Variants in FTCDNL1 observed in about 807,000 individuals in gnomAD.
The protein encoded by FTCDNL1 is formiminotransferase N-terminal subdomain-containing protein.
A neutral mutation model predicts 5.9 loss-of-function variants in FTCDNL1; 11 were observed. The observed-to-expected ratio is 1.87, with a 90% CI of 1.18 to 3.10. The LOEUF (loss-of-function observed/expected upper bound fraction) is 3.10. Among genes scored for constraint, FTCDNL1 ranks in the 30% most tolerant of loss-of-function variants. FTCDNL1 has a pLI of 0.00. For missense variants in FTCDNL1, 115 were observed against 65.5 expected (o/e 1.76, Z -2.61); for synonymous variants, 58 against 24.8 (o/e 2.34, Z -3.99).
At chr2:199,775,689 C>G (rs909811299) in intron 3 of FTCDNL1, among the ~76,000 whole-genome samples, 4 of 152,132 alleles carry the variant, frequency 2.6e-5, no homozygotes, top group African/African-American at 9.7e-5. Context: ...CCTCTTTCCA[C>G]AACCTAGTTT....
intron 3 of FTCDNL1, among the ~76,000 whole-genome samples, chr2:199,845,555 A>T (rs1415240210): frequency 2.0e-5 from 3 of 151,852 alleles, no homozygotes; most frequent in Non-Finnish European, 4.4e-5. Flanking sequence ...TGGGTGATGG[A>T]GTGAGACTCT....
chr2:199,845,514 T>C (rs1320296321), intron 3 of FTCDNL1, among the ~76,000 whole-genome samples: 2 of 151,712 alleles, frequency 1.3e-5, no homozygotes. Flanking sequence ...GAGGTTGCAG[T>C]GAGTCGAGAT....
chr2:199,708,733 C>G, the FTCDNL1 span, among the ~76,000 whole-genome samples: 1 of 152,126 alleles, frequency 6.6e-6, no homozygotes, highest in Non-Finnish European at 1.5e-5. Flanking sequence ...GAAAGCATGA[C>G]TATTTCTTGG....
chr2:199,686,060 T>C, the FTCDNL1 span, among the ~76,000 whole-genome samples: 1 of 152,224 alleles, frequency 6.6e-6, no homozygotes, highest in African/African-American at 2.4e-5. Context: ...ATGTGGGGCA[T>C]GGAGGAATAG....
At chr2:199,710,713 C>T in the FTCDNL1 span, among the ~76,000 whole-genome samples, 1 of 152,182 alleles carries the variant, frequency 6.6e-6, no homozygotes, top group Non-Finnish European at 1.5e-5. Context: ...CCTCACTTGG[C>T]TTCTTTATCT....
the FTCDNL1 span, among the ~76,000 whole-genome samples, chr2:199,728,520 T>A: frequency 2.0e-4 from 30 of 152,128 alleles, no homozygotes; most frequent in African/African-American, 7.0e-4. Context: ...AGTGCTGGGA[T>A]TACAGGCGTG....
At chr2:199,710,691 C>A in the FTCDNL1 span, among the ~76,000 whole-genome samples, 997 of 152,290 alleles carry the variant, frequency 6.5e-3, 12 homozygotes, top group African/African-American at 0.023. Context: ...CATCTTTCAG[C>A]AAGTCTTTGG....
the FTCDNL1 span, among the ~76,000 whole-genome samples, chr2:199,736,756 G>A: frequency 1.3e-5 from 2 of 152,212 alleles, no homozygotes; most frequent in African/African-American, 2.4e-5. Context: ...ATCTACAACT[G>A]TGAGTGTCTA....
chr2:199,803,105 G>A (rs1700543047), intron 3 of FTCDNL1, among the ~76,000 whole-genome samples: 1 of 144,036 alleles, frequency 6.9e-6, no homozygotes, highest in African/African-American at 2.5e-5. Context: ...GAGGTGCAAG[G>A]ATTATCTGAG....
chr2:199,816,911 T>A lies in FTCDNL1; in HGVS notation c.397+2661A>T, dbSNP rs533638484. Among the ~76,000 whole-genome samples the A allele has an allele frequency of 3.9e-5, 6 of 152,338 alleles. No individual in the cohort carries two copies. The South Asian group carries it at 1.2e-3, about 32-fold the overall frequency. ...GTCTGTCTCTTTGCCCCTCCCCAAC[T>A]ACAATGTAAGTTCTTTGAGGACAGA... On this transcript the variant is annotated intron_variant, in intron 4 of 4. Transcript: ENST00000420128.
Position 199,813,015 on chromosome 2 carries a change from C to A in FTCDNL1, c.398-291G>T, listed in dbSNP as rs948478517. On this transcript the variant is annotated intron_variant, in intron 4 of 4. Transcript: ENST00000420128. ...TATGGTGAACTGATATGGATGTAAA[C>A]TCTTTATGCCAGATTGTTTAAGCAG... Among the ~76,000 whole-genome samples, 45 of 152,248 alleles carry A rather than the reference C, an allele frequency of 3.0e-4. 1 individual carries two copies. The highest frequency in any genetic ancestry group is 1.0e-3 in the African/African-American group (43 of 41,554).
chr2:199,813,539 G>C (rs896087646), intron 4 of FTCDNL1, among the ~76,000 whole-genome samples: 1 of 152,262 alleles, frequency 6.6e-6, no homozygotes, highest in African/African-American at 2.4e-5. Context: ...TATATCTAAA[G>C]AGAAAACTTC....
At chr2:199,785,249 C>CTTTGTTTTTTTTTTTT (rs1699576178) in intron 3 of FTCDNL1, among the ~76,000 whole-genome samples, 1 of 76,866 alleles carries the variant, frequency 1.3e-5, no homozygotes, top group Non-Finnish European at 2.2e-5. Flanking sequence ...TTCCAAATTC[C>CTTTGTTTTTTTTTTTT]TTTTTTTTTT....
At chr2:199,743,680 G>T in the FTCDNL1 span, among the ~76,000 whole-genome samples, 1 of 151,938 alleles carries the variant, frequency 6.6e-6, no homozygotes, top group Non-Finnish European at 1.5e-5. Context: ...CTGCAAGATG[G>T]TAATTAAGCC....
intron 3 of FTCDNL1, among the ~76,000 whole-genome samples, chr2:199,800,662 T>C (rs1468469291): frequency 2.0e-5 from 3 of 152,222 alleles, no homozygotes; most frequent in Non-Finnish European, 4.4e-5. Context: ...TAATCTGTCA[T>C]TTTATATGAA....
chr2:199,822,978 G>C lies in FTCDNL1; in HGVS notation c.212-3221C>G, dbSNP rs1171270004. Among the ~76,000 whole-genome samples, 3 of 152,266 alleles carry C rather than the reference G, an allele frequency of 2.0e-5. No individual in the cohort carries two copies. In the East Asian group the frequency reaches 5.8e-4, roughly 29 times the overall value. On this transcript the variant is annotated intron_variant, in intron 3 of 4. Coordinates refer to ENST00000420128, the MANE Select transcript of FTCDNL1 (RefSeq NM_001363886.2). ...TGATTCTCATGCCTCAGCCTCCCAAGTAGCTGGGATTACAGGTGTGTTCCA... is the reference window on the plus strand; with the variant it reads ...TGATTCTCATGCCTCAGCCTCCCAACTAGCTGGGATTACAGGTGTGTTCCA...
intron 3 of FTCDNL1, among the ~76,000 whole-genome samples, chr2:199,769,506 T>C (rs1179908048): frequency 6.6e-6 from 1 of 152,116 alleles, no homozygotes; most frequent in Non-Finnish European, 1.5e-5. Flanking sequence ...GAATTGTGAG[T>C]CAATTAAATC....
chr2:199,747,424 G>C, the FTCDNL1 span, among the ~76,000 whole-genome samples: 32 of 152,102 alleles, frequency 2.1e-4, no homozygotes, highest in African/African-American at 7.7e-4. Context: ...GGGCTGCAAG[G>C]CCTCGAGCCT....
chr2:199,687,017 G>A, the FTCDNL1 span, among the ~76,000 whole-genome samples: 1 of 152,254 alleles, frequency 6.6e-6, no homozygotes, highest in East Asian at 1.9e-4. Context: ...GGTTCACTTT[G>A]GGTTAAATGG....
Sources: allele counts gnomAD v4.1 joint callset (sites outside exome capture counted in the v4.1 genomes callset), GRCh38; gene constraint gnomAD v4.1.1; transcripts MANE v1.5; gene names NCBI Gene and HGNC (gene_info 2026-07-23, HGNC 2026-07-21).